The following GALNT13 variants were observed in gnomAD, a reference collection of about 807,000 sequenced individuals.
GALNT13 encodes polypeptide N-acetylgalactosaminyltransferase 13.
Under a neutral mutation model 64.2 loss-of-function variants are expected in GALNT13, and 28 were observed. The ratio of observed to expected loss-of-function variants is 0.44; its 90% CI spans 0.32 to 0.60. The LOEUF is 0.60. Among genes scored for constraint, GALNT13 ranks in the 20% least tolerant of loss-of-function variants. GALNT13 has a pLI of 0.05. For missense variants in GALNT13, 577 were observed against 669.8 expected (o/e 0.86, Z 1.53); for synonymous variants, 214 against 224.6 (o/e 0.95, Z 0.42).
intron 4 of GALNT13, among the ~76,000 whole-genome samples, chr2:154,185,019 T>C (rs1573831797): frequency 6.6e-6 from 1 of 152,242 alleles, no homozygotes; most frequent in East Asian, 1.9e-4. Flanking sequence ...AAGAACTTTC[T>C]TTAGCATTTC....
At chr2:154,034,987 A>G (rs1256093503) in intron 3 of GALNT13, among the ~76,000 whole-genome samples, 2 of 152,144 alleles carry the variant, frequency 1.3e-5, no homozygotes, top group Non-Finnish European at 2.9e-5. Flanking sequence ...TACAATGTCT[A>G]TGGAAAAAAA....
At chr2:153,461,693 G>A in the GALNT13 span, among the ~76,000 whole-genome samples, 2 of 152,008 alleles carry the variant, frequency 1.3e-5, no homozygotes, top group South Asian at 2.1e-4. Context: ...CTTAATACTG[G>A]GAGTCATCTG....
the GALNT13 span, among the ~76,000 whole-genome samples, chr2:153,269,216 C>G: frequency 6.6e-6 from 1 of 152,162 alleles, no homozygotes; most frequent in African/African-American, 2.4e-5. Flanking sequence ...CAGATAATCT[C>G]TTTAGGAATG....
the GALNT13 span, among the ~76,000 whole-genome samples, chr2:153,244,440 C>T: frequency 6.6e-6 from 1 of 152,146 alleles, no homozygotes; most frequent in Admixed American, 6.5e-5. Context: ...TTCTGCATTT[C>T]CAACTGAGGT....
the GALNT13 span, among the ~76,000 whole-genome samples, chr2:153,741,665 TTTTA>T: frequency 1.9e-3 from 294 of 152,140 alleles, 1 homozygote; most frequent in African/African-American, 6.0e-3. Context: ...CCACTTGTAT[TTTTA>T]TTTGTTTCTA....
At position 154,450,457 on chromosome 2, in the gene GALNT13, C is replaced by G. The variant is rs1487151159; in HGVS notation, c.1577C>G (p.Pro526Arg). Residue 526 changes from proline to arginine, a missense_variant, in exon 13 of 13, where the codon CCT becomes CGT. Around this residue, in one of 3 missense-constraint regions of GALNT13, gnomAD observed 232 missense variants for 270.6 expected, o/e 0.86. Transcript: ENST00000392825. Reference sequence around the variant, plus strand: ...AACAGTAACCAATGTCTCGATGAACCTTCTGAAGAAGACAAAATGGTGCCT... The same window carrying G: ...AACAGTAACCAATGTCTCGATGAACGTTCTGAAGAAGACAAAATGGTGCCT... ...HVNSNQCLDEPSEEDKMVPTM... is the reference protein window; with the variant it reads ...HVNSNQCLDERSEEDKMVPTM... 1.2e-6 allele frequency: 2 copies of G among 1,612,636 alleles called. 1 individual carries two copies. The highest frequency in any genetic ancestry group is 2.2e-5 in the South Asian group (2 of 91,010).
intron 8 of GALNT13, among the ~76,000 whole-genome samples, chr2:154,265,475 G>C (rs1440728972): frequency 4.6e-5 from 7 of 152,150 alleles, no homozygotes; most frequent in Admixed American, 4.6e-4. Context: ...GAGGAGGGCA[G>C]ATCACCTGAG....
At chr2:153,610,628 T>G in the GALNT13 span, among the ~76,000 whole-genome samples, 1 of 152,076 alleles carries the variant, frequency 6.6e-6, no homozygotes, top group Non-Finnish European at 1.5e-5. Context: ...TGAGCCAAGA[T>G]CACACCACTG....
the GALNT13 span, chr2:153,357,446 G>T: frequency 1.4e-4 from 22 of 152,158 alleles, no homozygotes; most frequent in East Asian, 4.1e-3. Context: ...TAAATTTTTT[G>T]ATTTTCCAAA....
chr2:153,813,978 T>C, the GALNT13 span, among the ~76,000 whole-genome samples: 2 of 152,160 alleles, frequency 1.3e-5, no homozygotes, highest in African/African-American at 2.4e-5. Flanking sequence ...TCTTTCTCTG[T>C]AGTGTCTTAT....
chr2:153,088,828 T>C, the GALNT13 span, among the ~76,000 whole-genome samples: 4 of 152,174 alleles, frequency 2.6e-5, no homozygotes, highest in Admixed American at 2.0e-4. Context: ...GGAATATCTT[T>C]TACCACCCCT....
At chr2:153,258,973 A>G in the GALNT13 span, among the ~76,000 whole-genome samples, 2 of 152,216 alleles carry the variant, frequency 1.3e-5, no homozygotes, top group African/African-American at 4.8e-5. Flanking sequence ...CGTTTGGTCT[A>G]CAGTGCTGAT....
At chr2:153,791,094 A>T in the GALNT13 span, among the ~76,000 whole-genome samples, 1 of 152,162 alleles carries the variant, frequency 6.6e-6, no homozygotes, top group Non-Finnish European at 1.5e-5. Flanking sequence ...ATATTACAAA[A>T]TGGAGAAAAT....
chr2:153,531,725 A>G, the GALNT13 span, among the ~76,000 whole-genome samples: 1 of 152,208 alleles, frequency 6.6e-6, no homozygotes, highest in African/African-American at 2.4e-5. Flanking sequence ...CTACTTAGTT[A>G]CTTTGAAGAT....
chr2:153,356,839 C>A, the GALNT13 span, among the ~76,000 whole-genome samples: 1 of 134,778 alleles, frequency 7.4e-6, no homozygotes, highest in Non-Finnish European at 1.5e-5. Context: ...GCTCTGTCGC[C>A]CAGGCTGGAG....
At chr2:154,255,455 T>G (rs1225642294) in intron 7 of GALNT13, among the ~76,000 whole-genome samples, 1 of 152,106 alleles carries the variant, frequency 6.6e-6, no homozygotes, top group Non-Finnish European at 1.5e-5. Flanking sequence ...TCAGCAGGCT[T>G]GTAAGCTCAA....
the GALNT13 span, among the ~76,000 whole-genome samples, chr2:153,101,447 T>C: frequency 1.3e-5 from 2 of 152,220 alleles, no homozygotes; most frequent in Admixed American, 6.5e-5. Flanking sequence ...CGCTGTTTGT[T>C]ATCATCTGTT....
the GALNT13 span, among the ~76,000 whole-genome samples, chr2:153,546,746 T>G: frequency 6.6e-6 from 1 of 152,358 alleles, no homozygotes; most frequent in East Asian, 1.9e-4. Flanking sequence ...AACCACAATG[T>G]AATTTTCAGC....
chr2:153,852,517 A>G, the GALNT13 span, among the ~76,000 whole-genome samples: 5 of 152,238 alleles, frequency 3.3e-5, no homozygotes, highest in East Asian at 1.9e-4. Flanking sequence ...TAAAGCAAAA[A>G]TGTATAGAAC....
Sources: gnomAD v4.1 joint callset for allele counts (sites outside exome capture counted in the v4.1 genomes callset) on GRCh38, gnomAD v4.1.1 for gene constraint, gnomAD v4.1.1 regional missense constraint, MANE v1.5 for transcripts, NCBI Gene and HGNC (gene_info 2026-07-23, HGNC 2026-07-21) for gene names.